ADAMTS20: variants seen among roughly 807,000 people sequenced by gnomAD.
ADAMTS20 encodes A disintegrin and metalloproteinase with thrombospondin motifs 20.
In ADAMTS20, 225 loss-of-function variants were observed where a neutral mutation model predicts 260.1. The ratio of observed to expected loss-of-function variants is 0.87; its 90% CI spans 0.78 to 0.97. The LOEUF is 0.97. Ranked by LOEUF, ADAMTS20 falls within the 50% of genes least tolerant of loss-of-function variation. The probability of loss-of-function intolerance (pLI) is 0.00; values close to 1 mark genes in which losing one functional copy is unlikely to be tolerated. For synonymous variants in ADAMTS20, 802 were observed against 769.5 expected (o/e 1.04, Z -0.70); for missense variants, 2,400 against 2,337.7 (o/e 1.03, Z -0.55).
chr12:43,377,949 T>G (rs950041436), intron 31 of ADAMTS20, among the ~76,000 whole-genome samples: 1 of 152,202 alleles, frequency 6.6e-6, no homozygotes, highest in Non-Finnish European at 1.5e-5. Context: ...CACTGGTAAC[T>G]ATGTATAAGT....
At chr12:43,417,271 C>A (rs186950613) in intron 28 of ADAMTS20, among the ~76,000 whole-genome samples, 1 of 152,210 alleles carries the variant, frequency 6.6e-6, no homozygotes, top group African/African-American at 2.4e-5. Flanking sequence ...AATAGGATCA[C>A]TTTTCAGTTC....
At chr12:43,497,203 C>CTT (rs1231343590) in intron 4 of ADAMTS20, among the ~76,000 whole-genome samples, 22 of 151,956 alleles carry the variant, frequency 1.4e-4, no homozygotes, top group African/African-American at 4.8e-4. Context: ...AAATATTATT[C>CTT]TTTCATGGAT....
At chr12:43,359,512 T>G (rs1412093901) in intron 37 of ADAMTS20, among the ~76,000 whole-genome samples, 1 of 152,176 alleles carries the variant, frequency 6.6e-6, no homozygotes, top group Admixed American at 6.5e-5. Flanking sequence ...ATTCTAAAAT[T>G]TATATAGAAA....
Position 43,377,470 on chromosome 12 carries a change from C to A in ADAMTS20, c.4890G>T (p.Arg1630=), listed in dbSNP as rs778308252. 2.7e-5 allele frequency: 43 copies of A among 1,613,484 alleles called. No homozygotes were observed. The highest frequency in any genetic ancestry group is 9.3e-6 in the Non-Finnish European group (11 of 1,179,722). Residue 1630 remains arginine, a synonymous_variant, in exon 32 of 39, where the codon CGG becomes CGT. Coordinates refer to ENST00000389420, the MANE Select transcript of ADAMTS20 (RefSeq NM_025003.5). Reference sequence around the variant, plus strand: ...CAGGGCATTCTTGATAAACTATAGGCCGAAGTCGATGGAGCTTATGTTTCT... The same window carrying A: ...CAGGGCATTCTTGATAAACTATAGGACGAAGTCGATGGAGCTTATGTTTCT... ...STKKHKLHRL[R]PIVYQECPVV...
intron 28 of ADAMTS20, among the ~76,000 whole-genome samples, chr12:43,405,563 A>G (rs1001509978): frequency 6.6e-6 from 1 of 151,820 alleles, no homozygotes; most frequent in East Asian, 1.9e-4. Context: ...TTAATTTTTC[A>G]GCTACCATAA....
At position 43,516,107 on chromosome 12, in the gene ADAMTS20, G is replaced by C. The variant is rs151278101; in HGVS notation, c.614-13702C>G. ...GAGAAAACATTAGTCCTGAGGTCCA[G>C]TAGTCTGAGATGCTCGCCACATGAA... On this transcript the variant is annotated intron_variant, in intron 3 of 38. Transcript: ENST00000389420. 7.4e-3 allele frequency among the ~76,000 whole-genome samples: 1,120 copies of C among 151,994 alleles called. 18 individuals carry two copies. The highest frequency in any genetic ancestry group is 0.026 in the African/African-American group (1,096 of 41,422).
chr12:43,474,241 G>A (rs1349408808), intron 7 of ADAMTS20, among the ~76,000 whole-genome samples: 1 of 138,140 alleles, frequency 7.2e-6, no homozygotes, highest in East Asian at 2.3e-4. Context: ...AAATCTAGAA[G>A]AAATGGATAC....
chr12:43,535,883 C>T (rs865942260), intron 2 of ADAMTS20, among the ~76,000 whole-genome samples: 1 of 152,054 alleles, frequency 6.6e-6, no homozygotes, highest in African/African-American at 2.4e-5. Context: ...TAAAGAAAGA[C>T]TAGTGAAGGG....
chr12:43,502,530 A>T (rs1942784055), intron 3 of ADAMTS20, 125 bp from the exon 4 acceptor site: 1 of 880,502 alleles, frequency 1.1e-6, no homozygotes, highest in African/African-American at 1.7e-5. Context: ...AAAATAAAAG[A>T]ACAAAGAGAA....
At chr12:43,375,242 T>C (rs1940197585) in intron 36 of ADAMTS20, 137 bp downstream of exon 36, 1 of 869,170 alleles carries the variant, frequency 1.2e-6, no homozygotes, top group African/African-American at 1.7e-5. Flanking sequence ...AGCTAACTGT[T>C]TTTAAAAAAA....
Position 43,370,930 on chromosome 12 carries a change from C to T in ADAMTS20, c.5447-1549G>A, listed in dbSNP as rs147791604. ...CACTTTTTATCTGAATTGTTACATT[C>T]GCTTCCTAATCATTTTTCATGGATA... On this transcript the variant is annotated intron_variant, in intron 36 of 38. Transcript: ENST00000389420. Among the ~76,000 whole-genome samples the T allele has an allele frequency of 7.5e-3, 1,142 of 152,266 alleles. 4 individuals carry two copies. Among genetic ancestry groups the T allele is most frequent in the Non-Finnish European group, 0.011 (715 of 68,016 alleles).
chr12:43,493,079 T>A (rs983227413), intron 5 of ADAMTS20, 91 bp downstream of exon 5: 24 of 868,012 alleles, frequency 2.8e-5, no homozygotes, highest in Non-Finnish European at 3.8e-5. Context: ...TTTAAAAATA[T>A]CTCATTTCTA....
Position 43,490,427 on chromosome 12 carries a change from A to C in ADAMTS20, c.1085T>G (p.Ile362Ser). ...DTAVLITRED[I>S]CSSKEKCNML... The stretch of plus-strand genomic sequence containing the variant: ...GTTACATTTCTCTTTAGATGAACAA[A>C]TGTCTTCCCTTAAAATAAAAGATTT... The change falls in exon 7 of 39, where the codon ATT (isoleucine) becomes AGT (serine). Residue 362 changes from isoleucine to serine, a missense_variant. Coordinates refer to ENST00000389420, the MANE Select transcript of ADAMTS20 (RefSeq NM_025003.5). 7.7e-7 allele frequency: 1 copy of C among 1,299,242 alleles called. No homozygotes were observed. Among genetic ancestry groups the C allele is most frequent in the Admixed American group, 3.1e-5 (1 of 32,278 alleles). 80.5% of individuals were successfully genotyped at this position (1,299,242 alleles called of 1,614,324 possible).
chr12:43,420,447 T>C (rs1292742658), intron 28 of ADAMTS20, among the ~76,000 whole-genome samples: 2 of 152,232 alleles, frequency 1.3e-5, no homozygotes, highest in Admixed American at 1.3e-4. Flanking sequence ...TTTTAAAATA[T>C]ATTTCTAACC....
chr12:43,427,282 C>T lies in ADAMTS20; in HGVS notation c.4107+26G>A, dbSNP rs571386364. 113 of 1,607,242 alleles carry T rather than the reference C, an allele frequency of 7.0e-5. 1 individual carries two copies. In the South Asian group the frequency reaches 1.2e-3, roughly 17 times the overall value. On this transcript the variant is annotated intron_variant, in intron 27 of 38. Transcript: ENST00000389420. ...AGTCTTCAGAGATGTAATAATCTCA[C>T]AAGTTTAGAAAATATTATGACTTAC...
intron 11 of ADAMTS20, among the ~76,000 whole-genome samples, chr12:43,459,322 GC>G (rs2137366892): frequency 6.6e-6 from 1 of 152,294 alleles, no homozygotes; most frequent in South Asian, 2.1e-4. Flanking sequence ...ATGGCTAAGT[GC>G]CTGGGTTCAT....
chr12:43,421,593 A>G (rs914974710), intron 28 of ADAMTS20, among the ~76,000 whole-genome samples: 1 of 152,134 alleles, frequency 6.6e-6, no homozygotes, highest in African/African-American at 2.4e-5. Flanking sequence ...TGAGAAAAGT[A>G]AAACTTTTAC....
At chr12:43,496,565 T>A (rs1942680358) in intron 4 of ADAMTS20, among the ~76,000 whole-genome samples, 1 of 152,208 alleles carries the variant, frequency 6.6e-6, no homozygotes, top group Admixed American at 6.5e-5. Context: ...GCAGACCTGG[T>A]CTTTAGTTCC....
At position 43,450,870 on chromosome 12, in the gene ADAMTS20, TG is replaced by T. The variant is rs1029487317; in HGVS notation, c.2079+1403del. Among the ~76,000 whole-genome samples the T allele has an allele frequency of 1.2e-4, 18 of 152,170 alleles. 1 individual carries two copies. The highest frequency in any genetic ancestry group is 4.1e-4 in the African/African-American group (17 of 41,452). The stretch of plus-strand genomic sequence containing the variant: ...CATAACCTCACATAGTTATCATTTT[TG>T]TGGTGACAGCACATAACATCCACTA... On this transcript the variant is annotated intron_variant, in intron 14 of 38. Coordinates refer to ENST00000389420, the MANE Select transcript of ADAMTS20 (RefSeq NM_025003.5).
Sources: gnomAD v4.1 joint callset for allele counts (sites outside exome capture counted in the v4.1 genomes callset) on GRCh38, gnomAD v4.1.1 for gene constraint, MANE v1.5 for transcripts, NCBI Gene and HGNC (gene_info 2026-07-23, HGNC 2026-07-21) for gene names.